The following GRAMD4 variants were observed in gnomAD, a reference collection of about 807,000 sequenced individuals.
GRAMD4 encodes GRAM domain containing 4.
Under a neutral mutation model 83.9 loss-of-function variants are expected in GRAMD4, and 25 were observed. The observed-to-expected ratio is 0.30, with a 90% CI of 0.22 to 0.42. The LOEUF (loss-of-function observed/expected upper bound fraction) is 0.42. Among genes scored for constraint, GRAMD4 ranks in the 10% least tolerant of loss-of-function variants. GRAMD4 has a pLI of 1.00. For missense variants in GRAMD4, 593 were observed against 788.7 expected (o/e 0.75, Z 2.97); for synonymous variants, 336 against 320.9 (o/e 1.05, Z -0.50).
At position 46,659,266 on chromosome 22, in the gene GRAMD4, C is replaced by T. The variant is rs550227715; in HGVS notation, c.404+959C>T. On this transcript the variant is annotated intron_variant, in intron 4 of 18. Coordinates refer to ENST00000406902, the MANE Select transcript of GRAMD4 (RefSeq NM_015124.5). This position sits in a 1 kb window ranked among gnomAD's most constrained non-coding sequence, Gnocchi z 4.1. The stretch of plus-strand genomic sequence containing the variant: ...AGCCTCCCCCCTCAGTCTCCACCCT[C>T]AGTTTCTGCCCAGCCTCCCCCCAGC... Among the ~76,000 whole-genome samples the T allele has an allele frequency of 6.6e-6, 1 of 151,684 alleles. No individual in the cohort carries two copies. Among genetic ancestry groups the T allele is most frequent in the East Asian group, 1.9e-4 (1 of 5,134 alleles).
chr22:46,597,468 G>C (rs2081272768), intron 1 of GRAMD4, among the ~76,000 whole-genome samples: 1 of 152,036 alleles, frequency 6.6e-6, no homozygotes. Flanking sequence ...TTCTGGCCTG[G>C]TTTCATTTAT....
intron 1 of GRAMD4, among the ~76,000 whole-genome samples, chr22:46,586,591 C>T (rs527263949): frequency 6.0e-4 from 92 of 152,284 alleles, no homozygotes; most frequent in Middle Eastern, 3.4e-3. Flanking sequence ...GACACAGAGA[C>T]GAGGGCCTTC....
intron 1 of GRAMD4, among the ~76,000 whole-genome samples, chr22:46,605,602 G>A (rs1008926760): frequency 6.6e-6 from 1 of 152,246 alleles, no homozygotes; most frequent in African/African-American, 2.4e-5. Flanking sequence ...CCCCATTCTC[G>A]CCAACACTTG....
At chr22:46,616,069 T>TGC (rs2081485540), upstream of GRAMD4, among the ~76,000 whole-genome samples, 8 of 135,036 alleles carry the variant, frequency 5.9e-5, no homozygotes, top group Admixed American at 1.5e-4. Context: ...GGTTCCCCCG[T>TGC]GTGTAGGTTC....
intron 2 of GRAMD4, among the ~76,000 whole-genome samples, chr22:46,632,911 CTGGGCAGAGCCTT>C (rs1356782958): frequency 2.0e-5 from 3 of 152,346 alleles, no homozygotes; most frequent in Admixed American, 2.0e-4. Flanking sequence ...CGCCTCTGCA[CTGGGCAGAGCCTT>C]TCCACGCAGG....
At chr22:46,616,655 C>G (rs866077969), upstream of GRAMD4, among the ~76,000 whole-genome samples, 15 of 85,018 alleles carry the variant, frequency 1.8e-4, no homozygotes, top group African/African-American at 4.0e-4. Flanking sequence ...CCTGTGTGTA[C>G]GTTCCCCTGT....
In GRAMD4 at chr22:46,676,823, G is replaced by A. The variant is rs182870835; in HGVS notation, c.1632+155G>A. On this transcript the variant is annotated intron_variant, in intron 18 of 18. Coordinates refer to ENST00000406902, the MANE Select transcript of GRAMD4 (RefSeq NM_015124.5). ...CCTCCCTCGCAGCAGCTAGAGCCTGGGGCTGCGTCCAGGTTGGGTTGGAAA... is the reference window on the plus strand; with the variant it reads ...CCTCCCTCGCAGCAGCTAGAGCCTGAGGCTGCGTCCAGGTTGGGTTGGAAA... Among the ~76,000 whole-genome samples the A allele has an allele frequency of 2.9e-3, 448 of 152,362 alleles. 1 individual carries two copies. The highest frequency in any genetic ancestry group is 0.01 in the African/African-American group (435 of 41,590).
intron 5 of GRAMD4, among the ~76,000 whole-genome samples, chr22:46,661,815 G>A (rs1291636342): frequency 1.3e-5 from 2 of 152,246 alleles, no homozygotes; most frequent in South Asian, 2.1e-4. Context: ...CCTCCCCGAA[G>A]GGGACCAAGT....
rs1409221253 is a variant in GRAMD4, at chr22:46,659,402, C to T, written c.404+1095C>T. Reference sequence around the variant, plus strand: ...CCTCCCTCCAGGTCTCCCACCTCAGCCTCCCACCACCATTGGCCACACCTT... The same window carrying T: ...CCTCCCTCCAGGTCTCCCACCTCAGTCTCCCACCACCATTGGCCACACCTT... On this transcript the variant is annotated intron_variant, in intron 4 of 18. Transcript: ENST00000406902. This position sits in a 1 kb window ranked among gnomAD's most constrained non-coding sequence, Gnocchi z 4.1. Among the ~76,000 whole-genome samples, 1 of 152,238 alleles carries T rather than the reference C, an allele frequency of 6.6e-6. No individual in the cohort carries two copies. The highest frequency in any genetic ancestry group is 1.5e-5 in the Non-Finnish European group (1 of 68,046).
In GRAMD4 at chr22:46,634,530, G is replaced by A. The variant is rs868575800; in HGVS notation, c.163-3310G>A. 2.4e-4 allele frequency among the ~76,000 whole-genome samples: 36 copies of A among 152,366 alleles called. No individual in the cohort carries two copies. In the Middle Eastern group the frequency reaches 0.01, roughly 43 times the overall value. On this transcript the variant is annotated intron_variant, in intron 2 of 18. Transcript: ENST00000406902. ...GAGCAAAGGCAGGAGCCAGGTGCCAGCCTGGTCCTTGGTCCACAGTCAGGG... is the reference window on the plus strand; with the variant it reads ...GAGCAAAGGCAGGAGCCAGGTGCCAACCTGGTCCTTGGTCCACAGTCAGGG...
rs375658129 is a variant in GRAMD4 at position 46,677,302 on chromosome 22, C to CTTTTTT, written c.*59_*64dup. 5.9e-5 allele frequency: 79 copies of CTTTTTT among 1,341,198 alleles called. No homozygotes were observed. The African/African-American group carries it at 8.3e-4, about 14-fold the overall frequency. The allele number at this position is 1,341,198 out of a possible 1,614,324, so 83.1% of individuals were successfully genotyped here. ...GAATTTTCTTTTTCTTTTTCTTTTT[C>CTTTTTT]TTTTTTTTTTTTTACGATTTGGTAG... On this transcript the variant is annotated 3_prime_UTR_variant, in exon 19 of 19. Transcript: ENST00000406902.
chr22:46,676,574 GGTGACGGCCACGCTTTGCCTTTCA>G lies in GRAMD4; in HGVS notation c.1564-23_1564del. 1 of 1,545,806 alleles carries G rather than the reference GGTGACGGCCACGCTTTGCCTTTCA, an allele frequency of 6.5e-7. No homozygotes were observed. The highest frequency in any genetic ancestry group is 8.7e-7 in the Non-Finnish European group (1 of 1,143,760). On this transcript the variant is annotated splice_acceptor_variant and splice_polypyrimidine_tract_variant and intron_variant, in intron 17 of 18. Coordinates refer to ENST00000406902, the MANE Select transcript of GRAMD4 (RefSeq NM_015124.5). LOFTEE classifies it high-confidence loss of function. ...CTCCCTGTCCCCAGGAGAGACCTGT[GGTGACGGCCACGCTTTGCCTTTCA>G]GTACAAGGTCCTGTCTGTCCTCCCA...
At chr22:46,613,135 C>T (rs972717927) in intron 1 of GRAMD4, among the ~76,000 whole-genome samples, 1 of 152,230 alleles carries the variant, frequency 6.6e-6, no homozygotes, top group African/African-American at 2.4e-5. Flanking sequence ...TTGTGGAACA[C>T]TTTTTTGGAG....
At chr22:46,673,121 T>G (rs1219835886) in intron 14 of GRAMD4, 124 bp downstream of exon 14, 2 of 782,614 alleles carry the variant, frequency 2.6e-6, no homozygotes, top group Non-Finnish European at 3.9e-6. Context: ...TTTTATAGAC[T>G]CCTTAAACTT....
Position 46,672,311 on chromosome 22 carries a change from G to A in GRAMD4, c.1085-532G>A, listed in dbSNP as rs1181623636. On this transcript the variant is annotated intron_variant, in intron 13 of 18. Coordinates refer to ENST00000406902, the MANE Select transcript of GRAMD4 (RefSeq NM_015124.5). The surrounding 1 kb of genome is among the most constrained non-coding windows in gnomAD (Gnocchi z 4.7). ...CTGGTGGAGGGGAACTTGCGAGGGC[G>A]TGGCTGGGAGCCGTCTGAGCAGCTG... Among the ~76,000 whole-genome samples, 6 of 152,048 alleles carry A rather than the reference G, an allele frequency of 3.9e-5. No individual in the cohort carries two copies. Among genetic ancestry groups the A allele is most frequent in the Non-Finnish European group, 5.9e-5 (4 of 68,000 alleles).
At position 46,663,152 on chromosome 22, in the gene GRAMD4, G is replaced by A; in HGVS notation, c.579G>A (p.Glu193=). 3.1e-6 allele frequency: 5 copies of A among 1,612,084 alleles called. No individual in the cohort carries two copies. The South Asian group carries it at 4.4e-5, about 14-fold the overall frequency. The change falls in exon 6 of 19, where the codon GAG becomes GAA. Residue 193 remains glutamate, a synonymous_variant. Coordinates refer to ENST00000406902, the MANE Select transcript of GRAMD4 (RefSeq NM_015124.5). ...FQPEENTVET[E]EPLSARRLTE... The stretch of plus-strand genomic sequence containing the variant: ...CCGAGGAGAACACTGTGGAGACAGA[G>A]GAACCCCTGAGCGCCCGCAGGTAGG...
intron 3 of GRAMD4, among the ~76,000 whole-genome samples, chr22:46,648,518 TAGAC>T (rs1337379948): frequency 6.7e-5 from 10 of 149,722 alleles, no homozygotes; most frequent in Non-Finnish European, 1.0e-4. Flanking sequence ...GGTGAGTAGA[TAGAC>T]AGATGGGTGG....
At chr22:46,596,918 C>T (rs945214135) in intron 1 of GRAMD4, among the ~76,000 whole-genome samples, 3 of 152,172 alleles carry the variant, frequency 2.0e-5, no homozygotes, top group African/African-American at 7.2e-5. Flanking sequence ...TCACTGAGAC[C>T]TCCACTCCTT....
At chr22:46,663,384 G>A (rs1349604641) in intron 6 of GRAMD4, among the ~76,000 whole-genome samples, 1 of 152,248 alleles carries the variant, frequency 6.6e-6, no homozygotes. Flanking sequence ...AGCTGCATGC[G>A]CGCACTGCTC....
Sources: gnomAD v4.1 joint callset for allele counts (sites outside exome capture counted in the v4.1 genomes callset) on GRCh38, gnomAD v4.1.1 for gene constraint, Gnocchi (gnomAD v3.1) non-coding constraint, MANE v1.5 for transcripts, NCBI Gene and HGNC (gene_info 2026-07-23, HGNC 2026-07-21) for gene names.